TENM4: variants seen among roughly 807,000 people sequenced by gnomAD.
TENM4 encodes the protein teneurin-4.
TENM4 carries 82 observed loss-of-function variants against 243.3 expected under a neutral mutation model. That is an observed-to-expected ratio of 0.34 (90% CI 0.28 to 0.40). The LOEUF (loss-of-function observed/expected upper bound fraction) is 0.40. Ranked by LOEUF, TENM4 falls within the 10% of genes least tolerant of loss-of-function variation. The probability of loss-of-function intolerance (pLI) is 1.00; values close to 1 mark genes in which losing one functional copy is unlikely to be tolerated. For synonymous variants in TENM4, 1,412 were observed against 1,456.3 expected, an observed-to-expected ratio of 0.97 and a Z score of 0.69; for missense variants, 3,138 against 3,673.3, an observed-to-expected ratio of 0.85 and a Z score of 3.77.
intron 6 of TENM4, among the ~76,000 whole-genome samples, chr11:78,912,790 T>A (rs1309328588): frequency 6.6e-6 from 1 of 152,234 alleles, no homozygotes; most frequent in African/African-American, 2.4e-5. Context: ...TGGTAATTCA[T>A]AGACAAATTA....
At chr11:79,213,389 G>C (rs558719291) in intron 3 of TENM4, among the ~76,000 whole-genome samples, 7 of 152,248 alleles carry the variant, frequency 4.6e-5, no homozygotes, top group Non-Finnish European at 8.8e-5. Flanking sequence ...TGTTCTAATA[G>C]AAGAAGACAG....
At chr11:78,818,511 G>A (rs984143997) in intron 12 of TENM4, among the ~76,000 whole-genome samples, 1 of 152,190 alleles carries the variant, frequency 6.6e-6, no homozygotes, top group Non-Finnish European at 1.5e-5. Flanking sequence ...TAGCAACAAG[G>A]AAATGGAAAG....
At chr11:79,258,963 G>A (rs769873839) in intron 2 of TENM4, among the ~76,000 whole-genome samples, 1 of 152,194 alleles carries the variant, frequency 6.6e-6, no homozygotes, top group Non-Finnish European at 1.5e-5. Flanking sequence ...TAGCTGTATG[G>A]CCAGGGATAG....
At chr11:79,114,097 A>G (rs1363573066) in intron 4 of TENM4, among the ~76,000 whole-genome samples, 1 of 152,084 alleles carries the variant, frequency 6.6e-6, no homozygotes, top group African/African-American at 2.4e-5. Context: ...CCTCTATCTC[A>G]ACGCCTTGCT....
At chr11:79,313,152 C>T (rs2135416342) in intron 1 of TENM4, among the ~76,000 whole-genome samples, 1 of 152,338 alleles carries the variant, frequency 6.6e-6, no homozygotes, top group Middle Eastern at 3.4e-3. Flanking sequence ...CATTTTCAGG[C>T]ATGCAACATT....
chr11:78,936,926 T>C (rs1856798599), intron 6 of TENM4, among the ~76,000 whole-genome samples: 1 of 152,124 alleles, frequency 6.6e-6, no homozygotes, highest in African/African-American at 2.4e-5. Flanking sequence ...TAAAACTACA[T>C]GTATTTGTAC....
intron 27 of TENM4, among the ~76,000 whole-genome samples, chr11:78,702,995 C>T (rs642378): frequency 0.42 from 64,535 of 152,108 alleles, 17,081 homozygotes; most frequent in African/African-American, 0.75. Flanking sequence ...CTGCTAGAGA[C>T]ATAAAGACAA....
intron 3 of TENM4, among the ~76,000 whole-genome samples, chr11:79,202,677 T>C (rs758796649): frequency 1.3e-5 from 2 of 152,084 alleles, no homozygotes; most frequent in Non-Finnish European, 2.9e-5. Context: ...AGAGTCAAGG[T>C]GATGGTGGAT....
chr11:78,921,175 A>G (rs1415673971), intron 6 of TENM4, among the ~76,000 whole-genome samples: 1 of 152,186 alleles, frequency 6.6e-6, no homozygotes, highest in Admixed American at 6.5e-5. Context: ...GATCCAGAAA[A>G]GCTGGGAAGA....
At chr11:79,135,368 G>A (rs1264169882) in intron 4 of TENM4, among the ~76,000 whole-genome samples, 3 of 152,010 alleles carry the variant, frequency 2.0e-5, no homozygotes, top group Non-Finnish European at 4.4e-5. Flanking sequence ...TGGTGTGGAT[G>A]TGGTGATCAG....
At chr11:79,132,361 A>AAAAAAAG in intron 4 of TENM4, among the ~76,000 whole-genome samples, 1 of 150,102 alleles carries the variant, frequency 6.7e-6, no homozygotes, top group African/African-American at 2.4e-5. Context: ...AAAAAAAAAA[A>AAAAAAAG]AGAGAAATGA....
intron 6 of TENM4, among the ~76,000 whole-genome samples, chr11:78,942,204 G>A (rs957920283): frequency 3.0e-5 from 4 of 131,598 alleles, no homozygotes; most frequent in African/African-American, 8.5e-5. Flanking sequence ...CCTGAGCTCA[G>A]GAGTTTGAGA....
In TENM4 at chr11:78,656,356, T is replaced by A. The variant is rs1857893943; in HGVS notation, c.*1702A>T. The A allele has an allele frequency of 6.6e-6, 1 of 152,218 alleles. No individual in the cohort carries two copies. The highest frequency in any genetic ancestry group is 2.4e-5 in the African/African-American group (1 of 41,448). The allele number at this position is 152,218 out of a possible 1,614,324, so 9.4% of individuals were successfully genotyped here. A position where few individuals can be genotyped will look rare whatever the true frequency, so the allele number is the denominator to read the frequency against. ...AGTTCCATTTTCTAAGAAGCCCAGC[T>A]TAAAAGGAAGCATTTGGCTTCCCCT... On this transcript the variant is annotated 3_prime_UTR_variant, in exon 34 of 34. Coordinates refer to ENST00000278550, the MANE Select transcript of TENM4 (RefSeq NM_001098816.3).
At chr11:79,334,482 A>T (rs1012820096) in intron 1 of TENM4, among the ~76,000 whole-genome samples, 12 of 152,130 alleles carry the variant, frequency 7.9e-5, no homozygotes, top group African/African-American at 2.7e-4. Context: ...ACTTTCTAAC[A>T]CAGGGTCCTG....
intron 4 of TENM4, among the ~76,000 whole-genome samples, chr11:79,134,254 CA>C (rs1370039485): frequency 1.3e-5 from 2 of 151,724 alleles, no homozygotes; most frequent in African/African-American, 4.8e-5. Context: ...ACAATAGCTG[CA>C]AAAAAATAAC....
chr11:78,676,459 G>A (rs1041705164), intron 29 of TENM4, 72 bp from the exon 30 acceptor site: 44 of 1,270,358 alleles, frequency 3.5e-5, no homozygotes, highest in East Asian at 1.5e-4. Context: ...CAGCAGAGGC[G>A]GTGGAGGGGA....
intron 24 of TENM4, among the ~76,000 whole-genome samples, chr11:78,722,176 A>G (rs958448414): frequency 6.6e-6 from 1 of 152,054 alleles, no homozygotes; most frequent in African/African-American, 2.4e-5. Flanking sequence ...ACACCCAGCT[A>G]ATTTTTTAAA....
chr11:79,091,840 T>A (rs1415769205), intron 4 of TENM4, among the ~76,000 whole-genome samples: 1 of 152,222 alleles, frequency 6.6e-6, no homozygotes, highest in African/African-American at 2.4e-5. Flanking sequence ...TGTCATCTCC[T>A]GCATCCAAAC....
intron 6 of TENM4, among the ~76,000 whole-genome samples, chr11:78,936,486 G>A (rs1479860806): frequency 6.6e-6 from 1 of 152,194 alleles, no homozygotes; most frequent in Non-Finnish European, 1.5e-5. Context: ...GTTCACTCAA[G>A]TATTTCTGAG....
Sources: allele counts gnomAD v4.1 joint callset (sites outside exome capture counted in the v4.1 genomes callset), GRCh38; gene constraint gnomAD v4.1.1; transcripts MANE v1.5; gene names NCBI Gene and HGNC (gene_info 2026-07-23, HGNC 2026-07-21).